The following NBAS variants were observed in gnomAD, a reference collection of about 807,000 sequenced individuals.
NBAS encodes the protein NBAS subunit of NRZ tethering complex.
In NBAS, 219 loss-of-function variants were observed where a neutral mutation model predicts 302.5. The ratio of observed to expected loss-of-function variants is 0.72; its 90% confidence interval spans 0.65 to 0.81. The LOEUF (loss-of-function observed/expected upper bound fraction) is 0.81, where lower values mean the gene tolerates loss of function less well. Among genes scored for constraint, NBAS ranks in the 30% least tolerant of loss-of-function variants. NBAS has a pLI of 0.00. For missense variants in NBAS, 2,932 were observed against 2,841.6 expected (o/e 1.03, Z -0.72); for synonymous variants, 1,118 against 1,021.6 (o/e 1.09, Z -1.80).
chr2:15,272,765 C>A (rs1669378922), intron 44 of NBAS, among the ~76,000 whole-genome samples: 1 of 152,182 alleles, frequency 6.6e-6, no homozygotes, highest in Admixed American at 6.5e-5. Flanking sequence ...CAGACTGAAT[C>A]TTTACTGAGT....
At chr2:14,945,181 T>C in the NBAS span, among the ~76,000 whole-genome samples, 66 of 152,306 alleles carry the variant, frequency 4.3e-4, no homozygotes, top group African/African-American at 1.5e-3. Flanking sequence ...CCTTTGGGAC[T>C]TCCCCCATTC....
chr2:15,117,832 A>T, the NBAS span, among the ~76,000 whole-genome samples: 2 of 152,170 alleles, frequency 1.3e-5, no homozygotes, highest in South Asian at 4.1e-4. Flanking sequence ...CCACACCCTC[A>T]GCCGGTCCCA....
chr2:15,007,568 T>A, the NBAS span, among the ~76,000 whole-genome samples: 2 of 152,310 alleles, frequency 1.3e-5, no homozygotes, highest in Admixed American at 6.5e-5. Context: ...AATCAGTATG[T>A]AGAGTTAGTG....
chr2:15,376,759 T>C (rs1674764561), intron 30 of NBAS, among the ~76,000 whole-genome samples: 1 of 152,160 alleles, frequency 6.6e-6, no homozygotes, highest in Non-Finnish European at 1.5e-5. Context: ...TAATAAATAA[T>C]ACTTTAATCA....
chr2:15,317,302 C>A lies in NBAS; in HGVS notation c.4583-8055G>T, dbSNP rs149947073. Among the ~76,000 whole-genome samples the A allele has an allele frequency of 3.9e-4, 60 of 152,274 alleles. No individual in the cohort carries two copies. The East Asian group carries it at 0.011, about 27-fold the overall frequency. On this transcript the variant is annotated intron_variant, in intron 38 of 51. Transcript: ENST00000281513. ...CCACAAAGATGGGGAGAAACCAGAGCAGAAAAGCTGAAAATTCTAAAAACC... is the reference window on the plus strand; with the variant it reads ...CCACAAAGATGGGGAGAAACCAGAGAAGAAAAGCTGAAAATTCTAAAAACC...
intron 42 of NBAS, among the ~76,000 whole-genome samples, chr2:15,282,162 C>G (rs1356111010): frequency 6.6e-6 from 1 of 152,102 alleles, no homozygotes; most frequent in Non-Finnish European, 1.5e-5. Context: ...TCATGACATA[C>G]TTTTGATCAT....
chr2:14,845,001 C>T, the NBAS span, among the ~76,000 whole-genome samples: 1 of 152,210 alleles, frequency 6.6e-6, no homozygotes, highest in African/African-American at 2.4e-5. Context: ...ATGAGAGACA[C>T]AAGCCTTGCT....
chr2:15,406,206 T>C (rs1676408014), intron 25 of NBAS, among the ~76,000 whole-genome samples: 1 of 151,040 alleles, frequency 6.6e-6, no homozygotes, highest in Non-Finnish European at 1.5e-5. Context: ...ATTAAAATCA[T>C]GAAGTACTAG....
chr2:15,319,910 C>T (rs889475982), intron 38 of NBAS, among the ~76,000 whole-genome samples: 2 of 152,068 alleles, frequency 1.3e-5, no homozygotes, highest in African/African-American at 2.4e-5. Flanking sequence ...CAGCATCATC[C>T]TCATACCAAA....
chr2:15,200,414 A>T (rs1261125609), intron 48 of NBAS, among the ~76,000 whole-genome samples: 1 of 151,056 alleles, frequency 6.6e-6, no homozygotes, highest in East Asian at 1.9e-4. Context: ...AAAATAAACT[A>T]TTTTTTTTTA....
the NBAS span, among the ~76,000 whole-genome samples, chr2:14,980,663 T>C: frequency 2.0e-5 from 3 of 149,098 alleles, no homozygotes; most frequent in Non-Finnish European, 4.4e-5. Context: ...TAAATGTGAA[T>C]AGGCAGGAAA....
At chr2:15,011,860 A>G in the NBAS span, among the ~76,000 whole-genome samples, 1 of 152,194 alleles carries the variant, frequency 6.6e-6, no homozygotes, top group African/African-American at 2.4e-5. Flanking sequence ...GTGTCCATCT[A>G]CAACCAAAGC....
chr2:15,000,224 T>G, the NBAS span, among the ~76,000 whole-genome samples: 2 of 152,232 alleles, frequency 1.3e-5, no homozygotes, highest in Non-Finnish European at 2.9e-5. Context: ...TATCAATTCC[T>G]TAAAGCAGGA....
chr2:15,347,558 G>A (rs1673153082), intron 35 of NBAS, among the ~76,000 whole-genome samples: 1 of 152,140 alleles, frequency 6.6e-6, no homozygotes, highest in African/African-American at 2.4e-5. Flanking sequence ...ACATTAATCA[G>A]TCCAGTCGTA....
At chr2:15,119,382 C>T in the NBAS span, among the ~76,000 whole-genome samples, 1 of 146,452 alleles carries the variant, frequency 6.8e-6, no homozygotes, top group African/African-American at 2.5e-5. Flanking sequence ...GATCTCAGCT[C>T]ACTGCAACCT....
chr2:14,912,021 A>G, the NBAS span, among the ~76,000 whole-genome samples: 3 of 152,210 alleles, frequency 2.0e-5, no homozygotes, highest in Admixed American at 6.5e-5. Context: ...GCAGCTTACT[A>G]CATGCCCGGG....
chr2:15,351,643 A>T (rs1303627076), intron 35 of NBAS, among the ~76,000 whole-genome samples: 1 of 151,904 alleles, frequency 6.6e-6, no homozygotes, highest in Non-Finnish European at 1.5e-5. Context: ...ACACCACTGC[A>T]CTCTAGCCTG....
chr2:15,454,185 C>T (rs1679146476), intron 21 of NBAS, among the ~76,000 whole-genome samples: 1 of 152,078 alleles, frequency 6.6e-6, no homozygotes, highest in Admixed American at 6.5e-5. Flanking sequence ...TTCAAATATA[C>T]TAACTATAAT....
chr2:15,135,554 T>C, the NBAS span, among the ~76,000 whole-genome samples: 1 of 151,894 alleles, frequency 6.6e-6, no homozygotes, highest in African/African-American at 2.4e-5. Flanking sequence ...GTGGGGTTGG[T>C]TGGGGTGAAG....
Sources: allele counts gnomAD v4.1 joint callset (sites outside exome capture counted in the v4.1 genomes callset), GRCh38; gene constraint gnomAD v4.1.1; transcripts MANE v1.5; gene names NCBI Gene and HGNC (gene_info 2026-07-23, HGNC 2026-07-21).